Variants in NELL2 observed in about 807,000 individuals in gnomAD.
NELL2 encodes neural EGFL like 2, also known as protein kinase C-binding protein NELL2.
In NELL2, 41 loss-of-function variants were observed where a neutral mutation model predicts 109.6. The ratio of observed to expected loss-of-function variants is 0.37; its 90% confidence interval spans 0.29 to 0.49. NELL2 has a LOEUF of 0.49. Ranked by LOEUF, NELL2 falls within the 20% of genes least tolerant of loss-of-function variation. NELL2 has a pLI of 0.98. For missense variants in NELL2, 900 were observed against 1,008.3 expected, an observed-to-expected ratio of 0.89 and a Z score of 1.45; for synonymous variants, 355 against 344.7, an observed-to-expected ratio of 1.03 and a Z score of -0.33.
intron 16 of NELL2, among the ~76,000 whole-genome samples, chr12:44,530,321 A>G (rs1941986011): frequency 6.6e-6 from 1 of 152,224 alleles, no homozygotes; most frequent in African/African-American, 2.4e-5. Flanking sequence ...CAGTATTGAC[A>G]GAGAATAAAG....
chr12:44,756,357 C>T (rs970717659), intron 9 of NELL2, among the ~76,000 whole-genome samples: 5 of 151,984 alleles, frequency 3.3e-5, no homozygotes, highest in African/African-American at 7.3e-5. Flanking sequence ...CTAGTGAATA[C>T]GTGCCATCAG....
intron 12 of NELL2, among the ~76,000 whole-genome samples, chr12:44,676,573 G>T (rs191086943): frequency 4.6e-5 from 7 of 152,162 alleles, no homozygotes; most frequent in Middle Eastern, 3.4e-3. Flanking sequence ...CAAAATAATG[G>T]CCACAAATTT....
At chr12:44,827,574 AGTTT>A (rs1429514353) in intron 2 of NELL2, among the ~76,000 whole-genome samples, 1 of 152,108 alleles carries the variant, frequency 6.6e-6, no homozygotes, top group African/African-American at 2.4e-5. Context: ...GAAGATGCAA[AGTTT>A]GTCTTTCTGT....
chr12:44,512,476 G>GT (rs1264046703), intron 19 of NELL2, among the ~76,000 whole-genome samples: 1 of 149,364 alleles, frequency 6.7e-6, no homozygotes, highest in Admixed American at 6.6e-5. Context: ...TCACTACTGG[G>GT]TTTTTACTGA....
chr12:44,742,452 G>A (rs1007553727), intron 9 of NELL2, among the ~76,000 whole-genome samples: 2 of 152,216 alleles, frequency 1.3e-5, no homozygotes, highest in Non-Finnish European at 2.9e-5. Flanking sequence ...AACAAAGCTG[G>A]ACGGAGAATG....
chr12:44,510,113 C>T (rs1940927907), intron 19 of NELL2, among the ~76,000 whole-genome samples: 5 of 151,996 alleles, frequency 3.3e-5, no homozygotes, highest in Admixed American at 3.3e-4. Context: ...CTTTTGATTC[C>T]CTGCACTCTT....
chr12:44,659,895 C>G (rs1947676820), intron 13 of NELL2, among the ~76,000 whole-genome samples: 1 of 151,984 alleles, frequency 6.6e-6, no homozygotes, highest in African/African-American at 2.4e-5. Flanking sequence ...CCTGGGATAA[C>G]AGAAGCAGTA....
At chr12:44,593,356 G>A (rs1055433642) in intron 15 of NELL2, among the ~76,000 whole-genome samples, 2 of 152,160 alleles carry the variant, frequency 1.3e-5, no homozygotes, top group African/African-American at 2.4e-5. Context: ...AAAAAAGGCA[G>A]TCAGGCAGGA....
At chr12:44,594,484 T>C (rs1444515505) in intron 15 of NELL2, among the ~76,000 whole-genome samples, 1 of 152,084 alleles carries the variant, frequency 6.6e-6, no homozygotes, top group African/African-American at 2.4e-5. Context: ...TGATTCCTAA[T>C]ATTGAATGCT....
In NELL2 at chr12:44,742,996, T is replaced by C. The variant is rs542153902; in HGVS notation, c.995-28255A>G. Among the ~76,000 whole-genome samples, 5 of 152,108 alleles carry C rather than the reference T, an allele frequency of 3.3e-5. No homozygotes were observed. In the South Asian group the frequency reaches 6.3e-4, roughly 19 times the overall value. On this transcript the variant is annotated intron_variant, in intron 9 of 19. Transcript: ENST00000429094. The stretch of plus-strand genomic sequence containing the variant: ...AGAAGAGCAACACCAAGACACGTAA[T>C]TGTCAGATTCACCAAAGTTGAAATG...
intron 15 of NELL2, among the ~76,000 whole-genome samples, chr12:44,587,836 T>C (rs774437445): frequency 3.3e-5 from 5 of 152,052 alleles, no homozygotes; most frequent in East Asian, 1.9e-4. Context: ...AGCAAAATTT[T>C]TGGATTGAAA....
rs17094847 is a variant in NELL2 at position 44,595,787 on chromosome 12, T to C, written c.1663+11382A>G. Among the ~76,000 whole-genome samples, 930 of 152,178 alleles carry C rather than the reference T, an allele frequency of 6.1e-3. 8 individuals carry two copies. The highest frequency in any genetic ancestry group is 0.021 in the African/African-American group (868 of 41,514). On this transcript the variant is annotated intron_variant, in intron 15 of 19. Coordinates refer to ENST00000429094, the MANE Select transcript of NELL2 (RefSeq NM_001145108.2). Reference sequence around the variant, plus strand: ...CTTTTGATTAACCTAAAGGTTCAAGTTCACTCTTATTCAGCCTTCTAATTA... The same window carrying C: ...CTTTTGATTAACCTAAAGGTTCAAGCTCACTCTTATTCAGCCTTCTAATTA...
intron 13 of NELL2, among the ~76,000 whole-genome samples, chr12:44,611,693 A>G (rs950322836): frequency 1.3e-5 from 2 of 152,086 alleles, no homozygotes; most frequent in African/African-American, 4.8e-5. Context: ...GGCAGAACCA[A>G]TATCATTGTA....
intron 15 of NELL2, among the ~76,000 whole-genome samples, chr12:44,555,000 A>G (rs1217253870): frequency 6.6e-6 from 1 of 152,230 alleles, no homozygotes; most frequent in African/African-American, 2.4e-5. Flanking sequence ...TGGGGAAGCC[A>G]TGTGCTGGAG....
At chr12:44,685,301 T>C (rs1445753480) in intron 12 of NELL2, among the ~76,000 whole-genome samples, 1 of 152,010 alleles carries the variant, frequency 6.6e-6, no homozygotes, top group Admixed American at 6.5e-5. Context: ...TTTGAGCCTA[T>C]GTGTGTCTCT....
intron 15 of NELL2, among the ~76,000 whole-genome samples, chr12:44,570,769 G>A (rs1181867545): frequency 2.0e-5 from 3 of 152,018 alleles, no homozygotes; most frequent in South Asian, 2.1e-4. Flanking sequence ...AACTTAAATC[G>A]CTTTATTTGC....
intron 13 of NELL2, among the ~76,000 whole-genome samples, chr12:44,664,307 T>C (rs1947849641): frequency 6.6e-6 from 1 of 152,088 alleles, no homozygotes; most frequent in Non-Finnish European, 1.5e-5. Context: ...TGTAAATCCA[T>C]CAGCATTTTT....
At chr12:44,558,655 CT>C (rs1389792407) in intron 15 of NELL2, among the ~76,000 whole-genome samples, 4 of 152,306 alleles carry the variant, frequency 2.6e-5, no homozygotes. Flanking sequence ...AGATACTATG[CT>C]TTTCCCATGG....
intron 13 of NELL2, among the ~76,000 whole-genome samples, chr12:44,615,408 A>G (rs1050181279): frequency 6.6e-6 from 1 of 152,096 alleles, no homozygotes; most frequent in Non-Finnish European, 1.5e-5. Flanking sequence ...ACTTTGTTAC[A>G]TATATTATCT....
Sources: gnomAD v4.1 joint callset for allele counts (sites outside exome capture counted in the v4.1 genomes callset) on GRCh38, gnomAD v4.1.1 for gene constraint, MANE v1.5 for transcripts, NCBI Gene and HGNC (gene_info 2026-07-23, HGNC 2026-07-21) for gene names.